Variants in PDE5A observed in about 807,000 individuals in gnomAD.
The protein encoded by PDE5A is cGMP-specific 3',5'-cyclic phosphodiesterase.
PDE5A carries 67 observed loss-of-function variants against 110.2 expected under a neutral mutation model. The observed-to-expected ratio is 0.61, with a 90% CI of 0.50 to 0.75. The LOEUF (loss-of-function observed/expected upper bound fraction) is 0.75, where lower values mean the gene tolerates loss of function less well. Among genes scored for constraint, PDE5A ranks in the 30% least tolerant of loss-of-function variants. The pLI, the probability that PDE5A is intolerant of heterozygous loss-of-function variation, is 0.00. For synonymous variants in PDE5A, 328 were observed against 351.2 expected, an observed-to-expected ratio of 0.93 and a Z score of 0.74; for missense variants, 862 against 1,045.1, an observed-to-expected ratio of 0.82 and a Z score of 2.42.
At chr4:119,563,701 A>T (rs1727824134) in intron 5 of PDE5A, among the ~76,000 whole-genome samples, 1 of 152,182 alleles carries the variant, frequency 6.6e-6, no homozygotes, top group Admixed American at 6.5e-5. Context: ...ATGAGGTTGC[A>T]GCGTTAAGTA....
intron 3 of PDE5A, chr4:119,569,822 A>C (rs1728080531): frequency 6.6e-6 from 1 of 152,610 alleles, no homozygotes; most frequent in African/African-American, 2.4e-5. Flanking sequence ...AATGTCCTAC[A>C]AGTGTAACAA....
At chr4:119,569,489 CAATA>C (rs1014322232) in intron 3 of PDE5A, among the ~76,000 whole-genome samples, 26 of 149,418 alleles carry the variant, frequency 1.7e-4, no homozygotes, top group African/African-American at 6.2e-4. Context: ...AAATTTGTAC[CAATA>C]AATAAAGAAA....
At chr4:119,518,788 G>A (rs904763345) in intron 14 of PDE5A, among the ~76,000 whole-genome samples, 8 of 152,118 alleles carry the variant, frequency 5.3e-5, no homozygotes, top group African/African-American at 1.9e-4. Flanking sequence ...TGTTAAGCTG[G>A]ATATATATAA....
At chr4:119,562,779 A>C in intron 6 of PDE5A, 54 bp downstream of exon 6, 1 of 1,414,864 alleles carries the variant, frequency 7.1e-7, no homozygotes, top group Non-Finnish European at 9.4e-7. Flanking sequence ...TAGTGCTTAT[A>C]GAAATATAAG....
intron 3 of PDE5A, among the ~76,000 whole-genome samples, chr4:119,569,081 T>C (rs2110511022): frequency 6.6e-6 from 1 of 151,882 alleles, no homozygotes; most frequent in South Asian, 2.1e-4. Context: ...TTGCCCAGGC[T>C]GGAGTACAGT....
Position 119,496,131 on chromosome 4 carries a change from G to C in PDE5A, c.*2470C>G, listed in dbSNP as rs1307661888. The C allele has an allele frequency of 1.3e-5, 2 of 152,156 alleles. No individual in the cohort carries two copies. The highest frequency in any genetic ancestry group is 6.6e-5 in the Admixed American group (1 of 15,254). The allele number at this position is 152,156 out of a possible 1,614,324, so 9.4% of individuals were successfully genotyped here. A position where few individuals can be genotyped will look rare whatever the true frequency, so the allele number is the denominator to read the frequency against. ...TATATAGATATCTTTTAACAAGTTA[G>C]TAAAATAGTGGGGACTTTTCTGGCT... On this transcript the variant is annotated 3_prime_UTR_variant, in exon 21 of 21. Transcript: ENST00000354960.
intron 14 of PDE5A, among the ~76,000 whole-genome samples, chr4:119,517,539 T>C (rs1725954688): frequency 6.6e-6 from 1 of 151,420 alleles, no homozygotes; most frequent in South Asian, 2.1e-4. Flanking sequence ...CTTTGTGGTG[T>C]GTGTGTGAAA....
At chr4:119,505,541 AT>A (rs1725521323) in intron 17 of PDE5A, among the ~76,000 whole-genome samples, 1 of 151,880 alleles carries the variant, frequency 6.6e-6, no homozygotes. Flanking sequence ...TTATAATTCC[AT>A]TTTCAGCACT....
rs531526608 is a variant in PDE5A, at chr4:119,553,385, T to C, written c.1308+253A>G. On this transcript the variant is annotated intron_variant, in intron 8 of 20. Transcript: ENST00000354960. The stretch of plus-strand genomic sequence containing the variant: ...TGACATTATGTAGGTAATAGCTAAA[T>C]TACTTCAAAAATAGTACGGTAACTT... Among the ~76,000 whole-genome samples, 21 of 139,772 alleles carry C rather than the reference T, an allele frequency of 1.5e-4. No homozygotes were observed. The South Asian group carries it at 4.6e-3, about 30-fold the overall frequency. 91.7% of individuals were successfully genotyped at this position (139,772 alleles called of 152,430 possible).
chr4:119,609,053 T>C (rs1462017195), intron 1 of PDE5A, among the ~76,000 whole-genome samples: 2 of 151,998 alleles, frequency 1.3e-5, no homozygotes, highest in Non-Finnish European at 2.9e-5. Flanking sequence ...TCCCAGCTAC[T>C]TGGGAGGCTG....
At position 119,504,556 on chromosome 4, in the gene PDE5A, G is replaced by C. The variant is rs538880395; in HGVS notation, c.2311C>G (p.Pro771Ala). The C allele has an allele frequency of 6.2e-7, 1 of 1,612,016 alleles. No homozygotes were observed. The highest frequency in any genetic ancestry group is 8.5e-7 in the Non-Finnish European group (1 of 1,178,836). ...CATACCCGTTGTTGAATAGGCCAGGGTTTTGTAATTGCAGAAAGATCACAA... is the reference window on the plus strand; with the variant it reads ...CATACCCGTTGTTGAATAGGCCAGGCTTTTGTAATTGCAGAAAGATCACAA... ...TACDLSAITKPWPIQQRIAEL... is the reference protein window; with the variant it reads ...TACDLSAITKAWPIQQRIAEL... The change falls in exon 18 of 21, where the codon CCC becomes GCC. Residue 771 changes from proline to alanine, a missense_variant. Physicochemically the swap from Pro to Ala is conservative, Grantham distance 27. Coordinates refer to ENST00000354960, the MANE Select transcript of PDE5A (RefSeq NM_001083.4).
At chr4:119,566,415 T>G (rs1205989552) in intron 4 of PDE5A, among the ~76,000 whole-genome samples, 1 of 152,150 alleles carries the variant, frequency 6.6e-6, no homozygotes, top group Non-Finnish European at 1.5e-5. Context: ...AATTACTTAT[T>G]CAATAGGAAA....
chr4:119,575,275 C>T (rs1390578587), intron 3 of PDE5A, among the ~76,000 whole-genome samples: 1 of 152,194 alleles, frequency 6.6e-6, no homozygotes, highest in African/African-American at 2.4e-5. Context: ...GGATATTATA[C>T]AGGAGAACTT....
intron 1 of PDE5A, chr4:119,628,165 G>T: frequency 2.5e-6 from 1 of 395,538 alleles, no homozygotes; most frequent in Non-Finnish European, 3.5e-6. Context: ...CTCAGAAACT[G>T]TTTGGGTTTT....
At chr4:119,545,263 C>T (rs545615663) in intron 9 of PDE5A, among the ~76,000 whole-genome samples, 3 of 152,136 alleles carry the variant, frequency 2.0e-5, no homozygotes, top group Admixed American at 6.5e-5. Context: ...TTTAAGAAAA[C>T]TAAAAACCTG....
intron 3 of PDE5A, among the ~76,000 whole-genome samples, chr4:119,594,469 C>A (rs886787638): frequency 3.5e-5 from 3 of 86,012 alleles, no homozygotes. Flanking sequence ...TATAACTAGG[C>A]CTGCCAGATG....
At chr4:119,561,389 T>G (rs1397781299) in intron 6 of PDE5A, among the ~76,000 whole-genome samples, 1 of 152,308 alleles carries the variant, frequency 6.6e-6, no homozygotes, top group East Asian at 1.9e-4. Context: ...TCCTACAACT[T>G]AAGTAGTCAA....
At chr4:119,558,431 G>GTAAC (rs1727617946) in intron 7 of PDE5A, among the ~76,000 whole-genome samples, 1 of 152,066 alleles carries the variant, frequency 6.6e-6, no homozygotes, top group South Asian at 2.1e-4. Flanking sequence ...AAATTGCCTA[G>GTAAC]TACTTCATCA....
intron 3 of PDE5A, among the ~76,000 whole-genome samples, chr4:119,568,032 T>C (rs1453348541): frequency 6.6e-6 from 1 of 152,088 alleles, no homozygotes; most frequent in East Asian, 1.9e-4. Context: ...TATCTTAGCT[T>C]TAAGAAAAAG....
Sources: gnomAD v4.1 joint callset for allele counts (sites outside exome capture counted in the v4.1 genomes callset) on GRCh38, gnomAD v4.1.1 for gene constraint, MANE v1.5 for transcripts, NCBI Gene and HGNC (gene_info 2026-07-23, HGNC 2026-07-21) for gene names.